Variants in TMX4 observed in about 807,000 individuals in gnomAD.
TMX4 encodes thioredoxin related transmembrane protein 4.
In TMX4, 23 loss-of-function variants were observed where a neutral mutation model predicts 33.3. That is an observed-to-expected ratio of 0.69 (90% CI 0.50 to 0.98). TMX4 has a LOEUF of 0.98. TMX4 is among the 50% of genes least tolerant of loss of function. The pLI is 0.00. For missense variants in TMX4, 399 were observed against 448.9 expected, an observed-to-expected ratio of 0.89 and a Z score of 1.01; for synonymous variants, 164 against 161.5, an observed-to-expected ratio of 1.02 and a Z score of -0.12.
chr20:7,978,446 A>G lies in TMX4; in HGVS notation c.*3805T>C, dbSNP rs2050590465. The G allele has an allele frequency of 6.6e-6, 1 of 152,174 alleles. No homozygotes were observed. The highest frequency in any genetic ancestry group is 2.1e-4 in the South Asian group (1 of 4,824). The allele number at this position is 152,174 out of a possible 1,614,324, so 9.4% of individuals were successfully genotyped here. A position where few individuals can be genotyped will look rare whatever the true frequency, so the allele number is the denominator to read the frequency against. On this transcript the variant is annotated 3_prime_UTR_variant, in exon 8 of 8. Coordinates refer to ENST00000246024, the MANE Select transcript of TMX4 (RefSeq NM_021156.4). ...GCCTTAAAAATGACTTTTATCGTCT[A>G]CCCCAAAGGTGTTTTTACAGGATGC...
intron 2 of TMX4, among the ~76,000 whole-genome samples, chr20:8,007,047 G>A (rs558208341): frequency 4.6e-5 from 7 of 152,284 alleles, no homozygotes; most frequent in African/African-American, 1.2e-4. Context: ...GATTACAGGC[G>A]TGAGCCACTG....
At chr20:7,994,016 C>T (rs1172405566) in intron 5 of TMX4, among the ~76,000 whole-genome samples, 1 of 151,886 alleles carries the variant, frequency 6.6e-6, no homozygotes, top group African/African-American at 2.4e-5. Context: ...AGAAAAATTA[C>T]TCCATGCAAA....
At chr20:8,003,661 T>A (rs2050716364) in intron 2 of TMX4, among the ~76,000 whole-genome samples, 1 of 152,116 alleles carries the variant, frequency 6.6e-6, no homozygotes, top group African/African-American at 2.4e-5. Context: ...CAAGAAAAAG[T>A]ATCAAAGTCA....
At chr20:8,019,262 C>G (rs1168762570) in intron 1 of TMX4, 176 bp downstream of exon 1, 1 of 726,630 alleles carries the variant, frequency 1.4e-6, no homozygotes, top group Non-Finnish European at 2.1e-6. Context: ...TCGAGCCCAG[C>G]GGCAGTGCAG....
At chr20:8,019,176 C>G in intron 1 of TMX4, 1 of 489,318 alleles carries the variant, frequency 2.0e-6, no homozygotes, top group Non-Finnish European at 3.6e-6. Flanking sequence ...CGCGAGGGCT[C>G]GGCGCGCATG....
chr20:8,013,838 CCTGA>C (rs912339122), intron 1 of TMX4: 3 of 152,166 alleles, frequency 2.0e-5, no homozygotes, highest in African/African-American at 7.2e-5. Context: ...TCTCTTTTCT[CCTGA>C]CTTTTTCTTA....
chr20:7,997,988 T>A (rs1240508313), intron 4 of TMX4, among the ~76,000 whole-genome samples: 1 of 152,064 alleles, frequency 6.6e-6, no homozygotes, highest in African/African-American at 2.4e-5. Context: ...GGCACCTCCA[T>A]CCTTCTCTCT....
At chr20:8,010,380 C>A (rs183054556) in intron 1 of TMX4, 65 bp from the exon 2 acceptor site, 7 of 988,822 alleles carry the variant, frequency 7.1e-6, no homozygotes, top group South Asian at 2.6e-5. Flanking sequence ...ACAGAGAAAT[C>A]GAGTATTTAA....
At chr20:7,988,149 G>T (rs565234908) in intron 5 of TMX4, among the ~76,000 whole-genome samples, 1 of 152,306 alleles carries the variant, frequency 6.6e-6, no homozygotes, top group East Asian at 1.9e-4. Context: ...ATGTAGAGTT[G>T]CAGGAGCCAT....
intron 1 of TMX4, among the ~76,000 whole-genome samples, chr20:8,012,605 A>G (rs1356801680): frequency 6.6e-6 from 1 of 151,762 alleles, no homozygotes; most frequent in Non-Finnish European, 1.5e-5. Context: ...CTTGAAGTAT[A>G]ATATAATATA....
rs941022656 is a variant in TMX4 at position 7,978,182 on chromosome 20, G to A, written c.*4069C>T. 2 of 152,166 alleles carry A rather than the reference G, an allele frequency of 1.3e-5. No individual in the cohort carries two copies. Among genetic ancestry groups the A allele is most frequent in the Non-Finnish European group, 2.9e-5 (2 of 68,022 alleles). The allele number at this position is 152,166 out of a possible 1,614,324, so 9.4% of individuals were successfully genotyped here. Reference sequence around the variant, plus strand: ...TCATAATACTGACAGAAATAACACTGTAACACCAAGATGAGGGACACAGAT... The same window carrying A: ...TCATAATACTGACAGAAATAACACTATAACACCAAGATGAGGGACACAGAT... On this transcript the variant is annotated 3_prime_UTR_variant, in exon 8 of 8. Transcript: ENST00000246024.
At chr20:8,005,161 G>A (rs2050723478) in intron 2 of TMX4, among the ~76,000 whole-genome samples, 1 of 152,146 alleles carries the variant, frequency 6.6e-6, no homozygotes, top group South Asian at 2.1e-4. Flanking sequence ...GCTGTGGCAG[G>A]AGACTGGCTT....
chr20:7,982,403 C>G lies in TMX4; in HGVS notation c.898G>C (p.Gly300Arg). 6.2e-7 allele frequency: 1 copy of G among 1,614,092 alleles called. No homozygotes were observed. Among genetic ancestry groups the G allele is most frequent in the African/African-American group, 1.3e-5 (1 of 75,014 alleles). The change falls in exon 8 of 8, where the codon GGG becomes CGG. Residue 300 changes from glycine to arginine, a missense_variant. Physicochemically the swap from Gly to Arg is moderately radical, Grantham distance 125. Coordinates refer to ENST00000246024, the MANE Select transcript of TMX4 (RefSeq NM_021156.4). The stretch of plus-strand genomic sequence containing the variant: ...GTCACACCGTCCTCTCCTGGGGGCC[C>G]CTGATCATTGGCCTCACTTCTCTCC... The part of the protein sequence containing the change: ...DEERSEANDQ[G>R]PPGEDGVTRE...
chr20:7,982,383 A>C lies in TMX4; in HGVS notation c.918T>G (p.Gly306=), dbSNP rs1600138636. Residue 306 remains glycine (G), a synonymous_variant, in exon 8 of 8, where the codon GGT becomes GGG. Coordinates refer to ENST00000246024, the MANE Select transcript of TMX4 (RefSeq NM_021156.4). ...ANDQGPPGED[G]VTREEVEPEE... ...CAGGCTCTACTTCCTCCCGGGTCAC[A>C]CCGTCCTCTCCTGGGGGCCCCTGAT... is the stretch of plus-strand genomic sequence containing the variant. The C allele has an allele frequency of 1.2e-6, 2 of 1,613,840 alleles. No individual in the cohort carries two copies. Among genetic ancestry groups the C allele is most frequent in the Non-Finnish European group, 1.7e-6 (2 of 1,179,978 alleles).
chr20:7,989,485 C>A (rs2050645175), intron 5 of TMX4, among the ~76,000 whole-genome samples: 1 of 152,198 alleles, frequency 6.6e-6, no homozygotes. Context: ...CATTCTGACT[C>A]AAACACTTAG....
chr20:8,018,114 A>C (rs935384474), intron 1 of TMX4, among the ~76,000 whole-genome samples: 7 of 151,862 alleles, frequency 4.6e-5, no homozygotes, highest in African/African-American at 1.5e-4. Context: ...TTAAATTGAA[A>C]GAATCAAAAC....
intron 1 of TMX4, 56 bp downstream of exon 1, chr20:8,019,382 G>C: frequency 6.7e-7 from 1 of 1,490,966 alleles, no homozygotes. Context: ...GCGCGGGCTT[G>C]GGAGGGTGAC....
chr20:8,019,659 C>T lies in TMX4; in HGVS notation c.-46G>A. 1.6e-6 allele frequency: 2 copies of T among 1,288,454 alleles called. No homozygotes were observed. Among genetic ancestry groups the T allele is most frequent in the South Asian group, 5.1e-5 (2 of 39,502 alleles). The allele number at this position is 1,288,454 out of a possible 1,614,324, so 79.8% of individuals were successfully genotyped here. A position where few individuals can be genotyped will look rare whatever the true frequency, so the allele number is the denominator to read the frequency against. On this transcript the variant is annotated 5_prime_UTR_variant, in exon 1 of 8. Coordinates refer to ENST00000246024, the MANE Select transcript of TMX4 (RefSeq NM_021156.4). ...TCTCGGCGGGGAGTGTGGGGAAGGG[C>T]AGCGGCCGGCCCGCAGCCTCGCTCG...
At chr20:7,997,341 A>G (rs543169801) in intron 4 of TMX4, among the ~76,000 whole-genome samples, 1 of 152,138 alleles carries the variant, frequency 6.6e-6, no homozygotes, top group South Asian at 2.1e-4. Flanking sequence ...CGTATGTTCA[A>G]TTTGTGAGAT....
Sources: gnomAD v4.1 joint callset for allele counts (sites outside exome capture counted in the v4.1 genomes callset) on GRCh38, gnomAD v4.1.1 for gene constraint, MANE v1.5 for transcripts, NCBI Gene and HGNC (gene_info 2026-07-23, HGNC 2026-07-21) for gene names.